Variants in PACS2 observed in about 807,000 individuals in gnomAD.
PACS2 encodes the protein phosphofurin acidic cluster sorting protein 2.
In PACS2, 36 loss-of-function variants were observed where a neutral mutation model predicts 113.0. The ratio of observed to expected loss-of-function variants is 0.32; its 90% CI spans 0.24 to 0.42. PACS2 has a LOEUF of 0.42. PACS2 is among the 10% of genes least tolerant of loss of function. The pLI, the probability that PACS2 is intolerant of heterozygous loss-of-function variation, is 1.00. For synonymous variants in PACS2, 589 were observed against 536.1 expected (o/e 1.10, Z -1.36); for missense variants, 1,015 against 1,239.5 (o/e 0.82, Z 2.72).
chr14:105,349,209 A>G (rs1222545836), intron 2 of PACS2, among the ~76,000 whole-genome samples: 1 of 152,208 alleles, frequency 6.6e-6, no homozygotes, highest in African/African-American at 2.4e-5. Context: ...GCCAACTGTC[A>G]GGGCCACCCC....
Position 105,380,076 on chromosome 14 carries a change from A to G in PACS2, c.1051-4A>G. ...CAAGCTGATTCCCATCTCCTCCCCC[A>G]CAGGCTGACGTGCCCGAGAAGACGC... On this transcript the variant is annotated splice_polypyrimidine_tract_variant and splice_region_variant and intron_variant, in intron 10 of 24. Transcript: ENST00000447393. The G allele has an allele frequency of 1.3e-6, 2 of 1,551,574 alleles. No individual in the cohort carries two copies. Among genetic ancestry groups the G allele is most frequent in the Non-Finnish European group, 1.7e-6 (2 of 1,147,104 alleles).
chr14:105,316,665 A>C (rs587672020), intron 1 of PACS2, among the ~76,000 whole-genome samples: 124 of 150,930 alleles, frequency 8.2e-4, no homozygotes, highest in Non-Finnish European at 1.2e-3. Context: ...TCTATTCTCC[A>C]GGGGTCTAGA....
intron 4 of PACS2, among the ~76,000 whole-genome samples, chr14:105,364,348 GGCGGTGT>G (rs2060852845): frequency 7.6e-6 from 1 of 132,352 alleles, no homozygotes; most frequent in African/African-American, 3.9e-5. Context: ...GGGTGTGGTG[GGCGGTGT>G]CCCGGGTGCA....
chr14:105,352,334 G>T, intron 2 of PACS2, 44 bp from the exon 3 acceptor site: 1 of 1,270,148 alleles, frequency 7.9e-7, no homozygotes, highest in South Asian at 1.2e-5. Context: ...GTTTCCTGCT[G>T]ATATGCAGTC....
intron 8 of PACS2, among the ~76,000 whole-genome samples, chr14:105,375,481 C>CAAAA (rs34549878): frequency 1.6e-4 from 8 of 51,384 alleles, no homozygotes; most frequent in African/African-American, 4.2e-4. Context: ...GACTCCATCT[C>CAAAA]AAAAAAAAAA....
At position 105,391,612 on chromosome 14, in the gene PACS2, C is replaced by T. The variant is rs782595268; in HGVS notation, c.2120-19C>T. ...GAGCAGCAGGTGGGCTCAGCCTGCC[C>T]TGTGACTCCTCCCCAAAGGCGACTC... is the stretch of plus-strand genomic sequence containing the variant. On this transcript the variant is annotated intron_variant, in intron 21 of 24. Coordinates refer to ENST00000447393, the MANE Select transcript of PACS2 (RefSeq NM_001100913.3). The T allele has an allele frequency of 6.2e-7, 1 of 1,606,054 alleles. No individual in the cohort carries two copies. Among genetic ancestry groups the T allele is most frequent in the Non-Finnish European group, 8.5e-7 (1 of 1,179,016 alleles).
At chr14:105,303,199 G>C (rs1444417950) in intron 1 of PACS2, among the ~76,000 whole-genome samples, 1 of 152,132 alleles carries the variant, frequency 6.6e-6, no homozygotes, top group African/African-American at 2.4e-5. Flanking sequence ...AAAGTGTTGA[G>C]ATTCTACACG....
At position 105,315,154 on chromosome 14, in the gene PACS2, C is replaced by CGCG. The variant is rs2058517719; in HGVS notation, c.119+117_119+118insGCG. ...CCCCCAGCGGAGCCCAGGTCGCCCCCCGCGCCCCCGCCCGCCGGTTCGACG... is the reference window on the plus strand; with the variant it reads ...CCCCCAGCGGAGCCCAGGTCGCCCCCGCGCGCGCCCCCGCCCGCCGGTTCGACG... On this transcript the variant is annotated intron_variant, in intron 1 of 24. Transcript: ENST00000447393. This position sits in a 1 kb window ranked among gnomAD's most constrained non-coding sequence, Gnocchi z 4.4. 1.8e-6 allele frequency: 1 copy of CGCG among 550,586 alleles called. No individual in the cohort carries two copies. The highest frequency in any genetic ancestry group is 2.4e-6 in the Non-Finnish European group (1 of 424,234). 34.1% of individuals were successfully genotyped at this position (550,586 alleles called of 1,614,324 possible). A position where few individuals can be genotyped will look rare whatever the true frequency, so the allele number is the denominator to read the frequency against.
At chr14:105,363,735 G>A (rs2060817949) in intron 4 of PACS2, among the ~76,000 whole-genome samples, 1 of 152,142 alleles carries the variant, frequency 6.6e-6, no homozygotes, top group African/African-American at 2.4e-5. Context: ...TTCACTGCTT[G>A]GTGATTTAGT....
At chr14:105,319,099 C>T (rs587714512) in intron 1 of PACS2, among the ~76,000 whole-genome samples, 168 of 152,088 alleles carry the variant, frequency 1.1e-3, no homozygotes, top group African/African-American at 4.0e-3. Context: ...AGGCGTGCAC[C>T]ACCACGCCCA....
intron 4 of PACS2, among the ~76,000 whole-genome samples, chr14:105,361,301 C>T (rs1277090685): frequency 2.0e-5 from 3 of 152,104 alleles, no homozygotes; most frequent in Non-Finnish European, 2.9e-5. Flanking sequence ...CTAAACCAGC[C>T]TGGCCAATAT....
At chr14:105,319,055 C>A (rs1302614405) in intron 1 of PACS2, among the ~76,000 whole-genome samples, 2 of 152,018 alleles carry the variant, frequency 1.3e-5, no homozygotes, top group Admixed American at 6.6e-5. Context: ...TCAAGCAATT[C>A]TCCTGCCTCA....
intron 22 of PACS2, chr14:105,392,084 G>T (rs587594495): frequency 1.7e-5 from 7 of 417,440 alleles, no homozygotes; most frequent in Middle Eastern, 6.1e-4. Context: ...TGCAAGAGAC[G>T]TGAGTCTCTA....
In PACS2 at chr14:105,389,831, GTCCGGCAGGGCCA is replaced by G. The variant is rs587610268; in HGVS notation, c.2034-117_2034-105del. On this transcript the variant is annotated intron_variant, in intron 19 of 24. Coordinates refer to ENST00000447393, the MANE Select transcript of PACS2 (RefSeq NM_001100913.3). ...GGGCCGGGACACACAGGGCAGGGCT[GTCCGGCAGGGCCA>G]TCCGGCAGGGCCGCGGCCCCAGGGC... 2.6e-3 allele frequency: 2,139 copies of G among 827,484 alleles called. 13 individuals are homozygous for G. Among genetic ancestry groups the G allele is most frequent in the South Asian group, 8.6e-3 (619 of 71,868 alleles). The allele number at this position is 827,484 out of a possible 1,614,324, so 51.3% of individuals were successfully genotyped here.
intron 1 of PACS2, among the ~76,000 whole-genome samples, chr14:105,341,493 T>C (rs2059722126): frequency 6.6e-6 from 1 of 152,216 alleles, no homozygotes; most frequent in Non-Finnish European, 1.5e-5. Flanking sequence ...AGCTGCACGG[T>C]GTCCTGAACA....
chr14:105,332,678 T>G (rs2059349615), intron 1 of PACS2, among the ~76,000 whole-genome samples: 2 of 152,158 alleles, frequency 1.3e-5, no homozygotes, highest in South Asian at 4.1e-4. Context: ...GGCCTCTGCC[T>G]GGTCCTCTCG....
chr14:105,314,988 C>T lies in PACS2; in HGVS notation c.70C>T (p.Leu24=), dbSNP rs1011666716. Residue 24 remains leucine (L), a synonymous_variant, in exon 1 of 25, where the codon CTG becomes TTG. Coordinates refer to ENST00000447393, the MANE Select transcript of PACS2 (RefSeq NM_001100913.3). ...GALNTPVPMN[L]FATWEVDGSS... ...GCTCAACACGCCCGTGCCCATGAAC[C>T]TGTTCGCCACCTGGGAGGTGGACGG... 9.9e-5 allele frequency: 124 copies of T among 1,252,068 alleles called. No individual in the cohort carries two copies. The highest frequency in any genetic ancestry group is 1.2e-4 in the Non-Finnish European group (121 of 977,140). 77.6% of individuals were successfully genotyped at this position (1,252,068 alleles called of 1,614,324 possible).
rs959178056 is a variant in PACS2, at chr14:105,365,346, G to A, written c.424-1867G>A. Among the ~76,000 whole-genome samples, 8 of 152,176 alleles carry A rather than the reference G, an allele frequency of 5.3e-5. No homozygotes were observed. Among genetic ancestry groups the A allele is most frequent in the East Asian group, 3.9e-4 (2 of 5,190 alleles). On this transcript the variant is annotated intron_variant, in intron 4 of 24. Coordinates refer to ENST00000447393, the MANE Select transcript of PACS2 (RefSeq NM_001100913.3). This position sits in a 1 kb window ranked among gnomAD's most constrained non-coding sequence, Gnocchi z 5.1. ...AGAGGAACATGCAGCCTGGAGTGTC[G>A]GGGCCTGGGACTTCCAGGGCCTGCA... is the stretch of plus-strand genomic sequence containing the variant.
chr14:105,324,866 A>G lies in PACS2; in HGVS notation c.119+9829A>G, dbSNP rs1176806853. 6.6e-6 allele frequency among the ~76,000 whole-genome samples: 1 copy of G among 152,124 alleles called. No homozygotes were observed. The highest frequency in any genetic ancestry group is 1.9e-4 in the East Asian group (1 of 5,168). ...GGCCATGCTGGGTCCCCTGGGGTGCAGATGCCGCTCAACAGAGGAGTCAGG... is the reference window on the plus strand; with the variant it reads ...GGCCATGCTGGGTCCCCTGGGGTGCGGATGCCGCTCAACAGAGGAGTCAGG... On this transcript the variant is annotated intron_variant, in intron 1 of 24. Coordinates refer to ENST00000447393, the MANE Select transcript of PACS2 (RefSeq NM_001100913.3). This position sits in a 1 kb window ranked among gnomAD's most constrained non-coding sequence, Gnocchi z 4.7.
Sources: allele counts gnomAD v4.1 joint callset (sites outside exome capture counted in the v4.1 genomes callset), GRCh38; gene constraint gnomAD v4.1.1; non-coding constraint Gnocchi (gnomAD v3.1); transcripts MANE v1.5; gene names NCBI Gene and HGNC (gene_info 2026-07-23, HGNC 2026-07-21).